ATE1: variants seen among roughly 807,000 people sequenced by gnomAD.
ATE1 encodes the protein arginyltransferase 1.
ATE1 carries 36 observed loss-of-function variants against 70.5 expected under a neutral mutation model. The ratio of observed to expected loss-of-function variants is 0.51; its 90% confidence interval spans 0.39 to 0.67. The LOEUF (loss-of-function observed/expected upper bound fraction) is 0.67, where lower values mean the gene tolerates loss of function less well. Among genes scored for constraint, ATE1 ranks in the 30% least tolerant of loss-of-function variants. ATE1 has a pLI of 0.00. For missense variants in ATE1, 593 were observed against 629.5 expected (o/e 0.94, Z 0.62); for synonymous variants, 232 against 219.3 (o/e 1.06, Z -0.51).
At chr10:121,889,865 T>C (rs559896230) in intron 7 of ATE1, among the ~76,000 whole-genome samples, 3 of 152,152 alleles carry the variant, frequency 2.0e-5, no homozygotes, top group East Asian at 1.9e-4. Flanking sequence ...CATCTGAATA[T>C]GGACTGTGAT....
At chr10:121,928,399 C>T, upstream of ATE1, 1 of 1,530,490 alleles carries the variant, frequency 6.5e-7, no homozygotes, top group Non-Finnish European at 8.8e-7. Context: ...GGTAGCCGGC[C>T]CTGAGGCCCT....
At chr10:121,804,187 T>A (rs1947004318) in intron 10 of ATE1, among the ~76,000 whole-genome samples, 1 of 152,210 alleles carries the variant, frequency 6.6e-6, no homozygotes, top group South Asian at 2.1e-4. Context: ...GGTGAGAAAG[T>A]CAAGTCAATT....
chr10:121,792,035 G>C (rs1180537382), intron 10 of ATE1, among the ~76,000 whole-genome samples: 1 of 152,222 alleles, frequency 6.6e-6, no homozygotes, highest in Admixed American at 6.5e-5. Flanking sequence ...AAGCCAAAAA[G>C]AGAGGCTATA....
chr10:121,768,372 T>C (rs751256823), intron 11 of ATE1, among the ~76,000 whole-genome samples: 2 of 152,038 alleles, frequency 1.3e-5, no homozygotes, highest in Admixed American at 6.5e-5. Flanking sequence ...AAAAAAAACT[T>C]AGGTGTAAAT....
intron 1 of ATE1, among the ~76,000 whole-genome samples, chr10:121,924,745 C>T (rs1306432662): frequency 2.0e-5 from 3 of 148,868 alleles, no homozygotes; most frequent in Non-Finnish European, 4.5e-5. Context: ...AATTCCAAAA[C>T]ACTCATATTG....
intron 8 of ATE1, among the ~76,000 whole-genome samples, chr10:121,864,977 G>A (rs1322496460): frequency 6.6e-6 from 1 of 152,128 alleles, no homozygotes; most frequent in Non-Finnish European, 1.5e-5. Flanking sequence ...GAGAAACCCT[G>A]CTCTGGGGCT....
chr10:121,826,338 G>A (rs894276790), intron 10 of ATE1, among the ~76,000 whole-genome samples: 5 of 151,894 alleles, frequency 3.3e-5, no homozygotes, highest in African/African-American at 1.2e-4. Flanking sequence ...ATGGAGTCTC[G>A]CTCTGTTGCC....
At chr10:121,782,180 C>G (rs1457001074) in intron 11 of ATE1, among the ~76,000 whole-genome samples, 1 of 152,158 alleles carries the variant, frequency 6.6e-6, no homozygotes, top group Non-Finnish European at 1.5e-5. Flanking sequence ...GTCAGCTGTT[C>G]CAATTACTAG....
At chr10:121,842,378 T>C (rs1376688212) in intron 8 of ATE1, among the ~76,000 whole-genome samples, 1 of 152,098 alleles carries the variant, frequency 6.6e-6, no homozygotes, top group Admixed American at 6.6e-5. Flanking sequence ...ATGTTAGAGA[T>C]TACTAATTCA....
At chr10:121,787,306 A>C (rs1486138669) in intron 11 of ATE1, among the ~76,000 whole-genome samples, 4 of 152,188 alleles carry the variant, frequency 2.6e-5, no homozygotes, top group African/African-American at 9.7e-5. Context: ...CTATTTTCTG[A>C]GTCAAAGTTT....
Position 121,921,102 on chromosome 10 carries a change from G to A in ATE1, c.233+1247C>T, listed in dbSNP as rs1003711398. 9.2e-5 allele frequency among the ~76,000 whole-genome samples: 14 copies of A among 151,746 alleles called. 1 individual carries two copies. The highest frequency in any genetic ancestry group is 9.2e-4 in the Admixed American group (14 of 15,216). On this transcript the variant is annotated intron_variant, in intron 3 of 11. Transcript: ENST00000224652. ...TTCAACTTTTATTTTAGATTCAGGG[G>A]GTATAGGTACAGGCTGGTGACCTGG...
intron 8 of ATE1, among the ~76,000 whole-genome samples, chr10:121,864,742 A>G (rs1157803335): frequency 6.6e-6 from 1 of 150,646 alleles, no homozygotes; most frequent in Non-Finnish European, 1.5e-5. Context: ...ACCTCTTTGT[A>G]TTTTTTTTTA....
In ATE1 at chr10:121,927,911, G is replaced by A; in HGVS notation, c.39C>T (p.Asp13=). The A allele has an allele frequency of 1.3e-6, 2 of 1,590,608 alleles. No homozygotes were observed. Among genetic ancestry groups the A allele is most frequent in the South Asian group, 1.1e-5 (1 of 88,022 alleles). ...FWAGGSPSVV[D]YFPSEDFYRC... is the part of the protein sequence containing the mutation. ...GGTAGAAGTCCTCGCTAGGGAAATA[G>A]TCCACGACGCTGGGCGAACCCCCCG... The change falls in exon 1 of 12, where the codon GAC becomes GAT. Residue 13 remains aspartate, a synonymous_variant. Transcript: ENST00000224652.
At chr10:121,870,401 G>A (rs1358319938) in intron 7 of ATE1, among the ~76,000 whole-genome samples, 6 of 152,114 alleles carry the variant, frequency 3.9e-5, no homozygotes, top group African/African-American at 1.4e-4. Flanking sequence ...AAATTTGACA[G>A]GCAAAGTTCA....
Position 121,743,676 on chromosome 10 carries a change from C to T in ATE1, c.*4G>A. 1 of 1,602,538 alleles carries T rather than the reference C, an allele frequency of 6.2e-7. No individual in the cohort carries two copies. Among genetic ancestry groups the T allele is most frequent in the Non-Finnish European group, 8.5e-7 (1 of 1,175,010 alleles). ...ACAGGAACTTCCCGGCAGAGGTGAA[C>T]AGGTCAGTTTCTGAACAGCAGCATC... On this transcript the variant is annotated 3_prime_UTR_variant, in exon 12 of 12. Coordinates refer to ENST00000224652, the MANE Select transcript of ATE1 (RefSeq NM_001001976.3).
intron 11 of ATE1, among the ~76,000 whole-genome samples, chr10:121,751,417 T>A (rs901319221): frequency 1.3e-5 from 2 of 152,222 alleles, no homozygotes; most frequent in Non-Finnish European, 2.9e-5. Flanking sequence ...CCGCCTCATT[T>A]GACATTCCCA....
rs539789142 is a variant in ATE1, at chr10:121,775,432, T to A, written c.1378+14737A>T. Among the ~76,000 whole-genome samples, 12 of 152,066 alleles carry A rather than the reference T, an allele frequency of 7.9e-5. No homozygotes were observed. The East Asian group carries it at 1.5e-3, about 20-fold the overall frequency. On this transcript the variant is annotated intron_variant, in intron 11 of 11. Transcript: ENST00000224652. ...AACCACGGTGGCACATGTATAACTA[T>A]GTAACCAATGTGCACATCTGCACAT... is the stretch of plus-strand genomic sequence containing the variant.
At chr10:121,845,136 CATG>C (rs2133819426) in intron 8 of ATE1, among the ~76,000 whole-genome samples, 1 of 152,198 alleles carries the variant, frequency 6.6e-6, no homozygotes, top group Admixed American at 6.5e-5. Flanking sequence ...GTGACTTTAT[CATG>C]ATATTTACTT....
chr10:121,846,705 T>TAAAG (rs1276838162), intron 8 of ATE1: 19 of 20,338 alleles, frequency 9.3e-4, no homozygotes, highest in Admixed American at 2.0e-3. Context: ...CCTGCCTAAA[T>TAAAG]AAATAAATAA....
Sources: allele counts gnomAD v4.1 joint callset (sites outside exome capture counted in the v4.1 genomes callset), GRCh38; gene constraint gnomAD v4.1.1; transcripts MANE v1.5; gene names NCBI Gene and HGNC (gene_info 2026-07-23, HGNC 2026-07-21).